The following SWI5 variants were observed in gnomAD, a reference collection of about 807,000 sequenced individuals.
SWI5 encodes DNA repair protein SWI5 homolog.
A neutral mutation model predicts 17.0 loss-of-function variants in SWI5; 12 were observed. The observed-to-expected ratio is 0.71, with a 90% CI of 0.45 to 1.14. SWI5 has a LOEUF of 1.14. SWI5 is among the 50% of genes most tolerant of loss of function. SWI5 has a pLI of 0.00. For synonymous variants in SWI5, 61 were observed against 64.0 expected, an observed-to-expected ratio of 0.95 and a Z score of 0.22; for missense variants, 158 against 162.2, an observed-to-expected ratio of 0.97 and a Z score of 0.14.
At position 128,285,328 on chromosome 9, in the gene SWI5, T is replaced by C. The variant is rs565428112; in HGVS notation, c.234-611T>C. 2.6e-5 allele frequency among the ~76,000 whole-genome samples: 4 copies of C among 152,086 alleles called. No individual in the cohort carries two copies. In the East Asian group the frequency reaches 5.8e-4, roughly 22 times the overall value. ...GAAGGAAGAAAGAAAGGAAGGACTA[T>C]GCTTCTGGATTCAGGACATAGCAGC... On this transcript the variant is annotated intron_variant, in intron 3 of 4. Coordinates refer to ENST00000418976, the Ensembl canonical transcript of SWI5. The surrounding 1 kb of genome is among the most constrained non-coding windows in gnomAD (Gnocchi z 4.8).
chr9:128,279,631 A>C (rs1338483889), intron 2 of SWI5, among the ~76,000 whole-genome samples: 1 of 152,234 alleles, frequency 6.6e-6, no homozygotes, highest in Non-Finnish European at 1.5e-5. Flanking sequence ...CTTCAAAGAG[A>C]AACCAGGAGT....
chr9:128,276,285 T>G (rs1206907672), exon 1 of SWI5: 13 of 1,612,734 alleles, frequency 8.1e-6, no homozygotes, highest in South Asian at 1.1e-5. Context: ...CAGTTCACAC[T>G]CCGGGTCAGA....
At chr9:128,277,373 G>A (rs1353386314) in intron 2 of SWI5, among the ~76,000 whole-genome samples, 1 of 152,084 alleles carries the variant, frequency 6.6e-6, no homozygotes, top group African/African-American at 2.4e-5. Context: ...CCAACATGAT[G>A]AAACCCTGTC....
At chr9:128,284,442 G>T (rs1831597070) in intron 2 of SWI5, 68 bp from the exon 3 acceptor site, 1 of 1,566,176 alleles carries the variant, frequency 6.4e-7, no homozygotes, top group Admixed American at 1.8e-5. Context: ...AGTGACTACT[G>T]GGGGACATGT....
At chr9:128,277,135 C>T (rs182305374) in intron 2 of SWI5, among the ~76,000 whole-genome samples, 148 of 152,278 alleles carry the variant, frequency 9.7e-4, no homozygotes, top group African/African-American at 3.4e-3. Flanking sequence ...GGCGTTCACC[C>T]TGGCCACTCC....
intron 2 of SWI5, among the ~76,000 whole-genome samples, chr9:128,281,925 T>C (rs1053575803): frequency 2.0e-5 from 3 of 152,026 alleles, no homozygotes; most frequent in African/African-American, 4.8e-5. Context: ...ATAAAATTTT[T>C]CAAAAAAATT....
intron 4 of SWI5, 39 bp downstream of exon 4, chr9:128,286,072 T>C (rs1039959378): frequency 1.8e-5 from 27 of 1,488,270 alleles, no homozygotes; most frequent in African/African-American, 2.8e-5. Context: ...GCAGGCATCA[T>C]AGGGTGTCGT....
rs1784498288 is a variant in SWI5, at chr9:128,285,518, T to C, written c.234-421T>C. ...CTCTCCCTGCAGGTGGAGTTTTCAG[T>C]GTGTAGGGAAAGCTGGCTCTTGAAC... On this transcript the variant is annotated intron_variant, in intron 3 of 4. Coordinates refer to ENST00000418976, the Ensembl canonical transcript of SWI5. This position sits in a 1 kb window ranked among gnomAD's most constrained non-coding sequence, Gnocchi z 4.8. 6.6e-6 allele frequency among the ~76,000 whole-genome samples: 1 copy of C among 152,204 alleles called. No individual in the cohort carries two copies. Among genetic ancestry groups the C allele is most frequent in the South Asian group, 2.1e-4 (1 of 4,834 alleles).
intron 2 of SWI5, among the ~76,000 whole-genome samples, chr9:128,283,606 T>C (rs533996592): frequency 3.9e-5 from 6 of 152,184 alleles, no homozygotes; most frequent in Non-Finnish European, 8.8e-5. Flanking sequence ...GGCAGGCCCA[T>C]TAGTTAGGAT....
intron 2 of SWI5, among the ~76,000 whole-genome samples, chr9:128,282,108 G>C (rs1239147637): frequency 6.6e-6 from 1 of 152,146 alleles, no homozygotes; most frequent in African/African-American, 2.4e-5. Flanking sequence ...TTTAAAAAAG[G>C]CCGGGTGCGG....
At chr9:128,288,566 A>C (rs1016412968) in intron 4 of SWI5, 86 bp from the exon 5 acceptor site, 7 of 1,459,928 alleles carry the variant, frequency 4.8e-6, no homozygotes, top group African/African-American at 1.4e-5. Flanking sequence ...TGGGTGGGTC[A>C]GGGCAGTGAC....
intron 2 of SWI5, among the ~76,000 whole-genome samples, chr9:128,281,028 CTTTTTTTTTTTTTTTT>C (rs11306272): frequency 4.6e-5 from 2 of 43,758 alleles, no homozygotes; most frequent in Non-Finnish European, 8.7e-5. Flanking sequence ...TTCAACCATG[CTTTTTTTTTTTTTTTT>C]TTTTTTTTTT....
chr9:128,283,589 G>C (rs1241692191), intron 2 of SWI5, among the ~76,000 whole-genome samples: 1 of 152,204 alleles, frequency 6.6e-6, no homozygotes, highest in African/African-American at 2.4e-5. Flanking sequence ...GTCAGACTGG[G>C]GACAAGGGCA....
intron 2 of SWI5, among the ~76,000 whole-genome samples, chr9:128,279,163 G>A (rs995783315): frequency 6.6e-6 from 1 of 152,140 alleles, no homozygotes; most frequent in Admixed American, 6.6e-5. Flanking sequence ...CTTTTTCTGT[G>A]CCCGCTCGGC....
intron 2 of SWI5, among the ~76,000 whole-genome samples, chr9:128,283,495 T>TC (rs1831578672): frequency 1.3e-5 from 1 of 77,958 alleles, no homozygotes; most frequent in Non-Finnish European, 2.4e-5. Context: ...AGACTCCGTC[T>TC]CCAAAAACAA....
At chr9:128,283,943 TA>T (rs758148354) in intron 2 of SWI5, among the ~76,000 whole-genome samples, 3 of 150,088 alleles carry the variant, frequency 2.0e-5, no homozygotes, top group Non-Finnish European at 3.0e-5. Context: ...CAGTGACCTA[TA>T]ATCACGCCAC....
At position 128,286,025 on chromosome 9, in the gene SWI5, G is replaced by A. The variant is rs371609493; in HGVS notation, c.320G>A (p.Gly107Asp). Residue 107 changes from glycine to aspartate, a missense_variant, in exon 4 of 5, where the codon GGC becomes GAC. Transcript: ENST00000418976. ...AAGGATGTGGGGCAGATGCTGATGG[G>A]CAAACTAGGTGAGTAGTTGGGACTC... 6.4e-5 allele frequency: 103 copies of A among 1,612,828 alleles called. No individual in the cohort carries two copies. The African/African-American group carries it at 1.3e-3, about 21-fold the overall frequency.
upstream of SWI5, chr9:128,275,432 G>A: frequency 1.5e-6 from 2 of 1,298,526 alleles, no homozygotes; most frequent in Non-Finnish European, 2.0e-6. Context: ...CGCAGGGCCA[G>A]GACCCAGGTC....
intron 2 of SWI5, among the ~76,000 whole-genome samples, chr9:128,283,323 A>T (rs556341591): frequency 9.9e-5 from 15 of 152,026 alleles, no homozygotes; most frequent in East Asian, 3.9e-4. Context: ...ACTCTGTTTT[A>T]AAAAAAAGTA....
Sources: allele counts gnomAD v4.1 joint callset (sites outside exome capture counted in the v4.1 genomes callset), GRCh38; gene constraint gnomAD v4.1.1; non-coding constraint Gnocchi (gnomAD v3.1); transcripts MANE v1.5; gene names NCBI Gene and HGNC (gene_info 2026-07-23, HGNC 2026-07-21).